Variants in AP3B1 observed in about 807,000 individuals in gnomAD.
The protein encoded by AP3B1 is adaptor related protein complex 3 subunit beta 1, also known as AP-3 complex subunit beta-1.
AP3B1 carries 61 observed loss-of-function variants against 132.5 expected under a neutral mutation model. The ratio of observed to expected loss-of-function variants is 0.46; its 90% CI spans 0.37 to 0.57. The LOEUF (loss-of-function observed/expected upper bound fraction) is 0.57. AP3B1 is among the 20% of genes least tolerant of loss of function. The probability of loss-of-function intolerance (pLI) is 0.00; values close to 1 mark genes in which losing one functional copy is unlikely to be tolerated. For synonymous variants in AP3B1, 388 were observed against 438.3 expected (o/e 0.89, Z 1.43); for missense variants, 1,120 against 1,289.4 (o/e 0.87, Z 2.01).
At chr5:78,049,240 C>T (rs1748474629) in intron 22 of AP3B1, among the ~76,000 whole-genome samples, 4 of 152,142 alleles carry the variant, frequency 2.6e-5, no homozygotes, top group Admixed American at 2.6e-4. Context: ...CTATGTCTCC[C>T]TTGGGCATCT....
intron 15 of AP3B1, among the ~76,000 whole-genome samples, chr5:78,134,533 GTTTCTTTC>G (rs548066386): frequency 1.8e-4 from 28 of 151,754 alleles, no homozygotes; most frequent in African/African-American, 6.5e-4. Flanking sequence ...CATCTAATTA[GTTTCTTTC>G]TTTCTTTCTT....
intron 22 of AP3B1, among the ~76,000 whole-genome samples, chr5:78,041,432 G>A (rs918821340): frequency 6.6e-6 from 1 of 151,734 alleles, no homozygotes; most frequent in Non-Finnish European, 1.5e-5. Flanking sequence ...GGTGCATTGC[G>A]CCTGTAGTCC....
At chr5:78,253,601 T>G (rs1471939625) in intron 2 of AP3B1, among the ~76,000 whole-genome samples, 1 of 152,180 alleles carries the variant, frequency 6.6e-6, no homozygotes, top group African/African-American at 2.4e-5. Flanking sequence ...ATGTGACCTT[T>G]CAGATACAGA....
At chr5:78,194,448 C>G (rs994388526) in intron 7 of AP3B1, among the ~76,000 whole-genome samples, 1 of 152,098 alleles carries the variant, frequency 6.6e-6, no homozygotes, top group Non-Finnish European at 1.5e-5. Flanking sequence ...ATTTCTAATT[C>G]GTACTAATTA....
At chr5:78,058,916 C>T (rs1452785896) in intron 22 of AP3B1, among the ~76,000 whole-genome samples, 1 of 152,186 alleles carries the variant, frequency 6.6e-6, no homozygotes, top group African/African-American at 2.4e-5. Flanking sequence ...TGGGGTGAGA[C>T]ATGAGTATCT....
chr5:78,150,060 A>T (rs1222420500), intron 14 of AP3B1, among the ~76,000 whole-genome samples: 2 of 152,104 alleles, frequency 1.3e-5, no homozygotes, highest in African/African-American at 4.8e-5. Flanking sequence ...AAATCTTGTG[A>T]TCCATTACCC....
chr5:78,079,777 G>T (rs1038974395), intron 22 of AP3B1, among the ~76,000 whole-genome samples: 2 of 151,980 alleles, frequency 1.3e-5, no homozygotes, highest in Non-Finnish European at 2.9e-5. Flanking sequence ...CTCCCCCATC[G>T]AGCATCATGA....
chr5:78,126,151 T>A (rs1752446136), intron 17 of AP3B1, among the ~76,000 whole-genome samples: 1 of 151,020 alleles, frequency 6.6e-6, no homozygotes, highest in Non-Finnish European at 1.5e-5. Flanking sequence ...AGAGAAAGTA[T>A]GTCCGTAGGA....
chr5:78,207,910 G>T (rs1466081609), intron 7 of AP3B1, among the ~76,000 whole-genome samples: 1 of 152,072 alleles, frequency 6.6e-6, no homozygotes, highest in South Asian at 2.1e-4. Context: ...AATGCACAAG[G>T]CCTAAGAGAA....
chr5:78,064,131 T>C (rs1285407050), intron 22 of AP3B1, among the ~76,000 whole-genome samples: 4 of 151,078 alleles, frequency 2.6e-5, no homozygotes, highest in African/African-American at 7.3e-5. Flanking sequence ...AAAAAGATCA[T>C]GTACAGATAT....
chr5:78,196,934 A>G (rs1021363612), intron 7 of AP3B1, among the ~76,000 whole-genome samples: 1 of 152,218 alleles, frequency 6.6e-6, no homozygotes, highest in Non-Finnish European at 1.5e-5. Flanking sequence ...GTATGATAAA[A>G]CACAATGGTG....
At chr5:78,015,823 T>C (rs1033520311) in intron 25 of AP3B1, 4 of 388,684 alleles carry the variant, frequency 1.0e-5, no homozygotes, top group Admixed American at 4.1e-5. Flanking sequence ...GAATCACACA[T>C]ATGAAATATC....
chr5:78,016,047 G>A (rs942438454), intron 25 of AP3B1, among the ~76,000 whole-genome samples: 5 of 151,912 alleles, frequency 3.3e-5, no homozygotes, highest in Admixed American at 6.6e-5. Flanking sequence ...ATGACAGATC[G>A]AAGTTATCTC....
Position 78,191,103 on chromosome 5 carries a change from A to C in AP3B1, c.787-9441T>G, listed in dbSNP as rs535525758. Among the ~76,000 whole-genome samples the C allele has an allele frequency of 2.0e-5, 3 of 152,320 alleles. No individual in the cohort carries two copies. In the East Asian group the frequency reaches 5.8e-4, roughly 29 times the overall value. On this transcript the variant is annotated intron_variant, in intron 7 of 26. Transcript: ENST00000255194. ...TGATAAAAGATGTCATTTTTAACTA[A>C]GCCTTTAGAGAACACTTTTTAAAAA... is the stretch of plus-strand genomic sequence containing the variant.
intron 22 of AP3B1, among the ~76,000 whole-genome samples, chr5:78,079,665 T>A (rs1749907809): frequency 6.6e-6 from 1 of 152,242 alleles, no homozygotes; most frequent in African/African-American, 2.4e-5. Flanking sequence ...TGGATTTTAG[T>A]ATATATTTAA....
intron 14 of AP3B1, among the ~76,000 whole-genome samples, chr5:78,153,741 G>T (rs926038601): frequency 6.6e-6 from 1 of 151,834 alleles, no homozygotes. Context: ...TAGATTAGAG[G>T]TTACAATGAA....
chr5:78,184,604 C>T (rs907855445), intron 7 of AP3B1, among the ~76,000 whole-genome samples: 4 of 150,752 alleles, frequency 2.7e-5, no homozygotes, highest in East Asian at 2.0e-4. Flanking sequence ...AGGAGAATGG[C>T]GTGAACCTGG....
At position 78,175,519 on chromosome 5, in the gene AP3B1, A is replaced by G; in HGVS notation, c.1167+107T>C. ...ATAAAGAAAAACCATTAACTTTATC[A>G]ATGTGTTTTGAAAAGCAGGACTGCA... On this transcript the variant is annotated intron_variant, in intron 11 of 26. Coordinates refer to ENST00000255194, the MANE Select transcript of AP3B1 (RefSeq NM_003664.5). 3 of 771,530 alleles carry G rather than the reference A, an allele frequency of 3.9e-6. No individual in the cohort carries two copies. The South Asian group carries it at 4.7e-5, about 12-fold the overall frequency. The allele number at this position is 771,530 out of a possible 1,614,324, so 47.8% of individuals were successfully genotyped here. A position where few individuals can be genotyped will look rare whatever the true frequency, so the allele number is the denominator to read the frequency against.
At position 78,121,355 on chromosome 5, in the gene AP3B1, G is replaced by A. The variant is rs888037054; in HGVS notation, c.1969-5121C>T. 7.8e-4 allele frequency among the ~76,000 whole-genome samples: 119 copies of A among 151,986 alleles called. 2 individuals are homozygous for A. Among genetic ancestry groups the A allele is most frequent in the South Asian group, 4.1e-4 (2 of 4,828 alleles). ...AAATAACTAAAATCAGAGCAGAACT[G>A]AAGGAAATAGAGACAGAAAAAACCC... On this transcript the variant is annotated intron_variant, in intron 17 of 26. Transcript: ENST00000255194.
Sources: allele counts gnomAD v4.1 joint callset (sites outside exome capture counted in the v4.1 genomes callset), GRCh38; gene constraint gnomAD v4.1.1; transcripts MANE v1.5; gene names NCBI Gene and HGNC (gene_info 2026-07-23, HGNC 2026-07-21).